Variants in CCSER1 observed in about 807,000 individuals in gnomAD.
CCSER1 encodes coiled-coil serine rich protein 1.
CCSER1 carries 41 observed loss-of-function variants against 82.0 expected under a neutral mutation model. The ratio of observed to expected loss-of-function variants is 0.50; its 90% CI spans 0.39 to 0.65. The LOEUF is 0.65. Among genes scored for constraint, CCSER1 ranks in the 30% least tolerant of loss-of-function variants. CCSER1 has a pLI of 0.00. For missense variants in CCSER1, 1,119 were observed against 1,064.2 expected (o/e 1.05, Z -0.72); for synonymous variants, 414 against 383.9 (o/e 1.08, Z -0.92).
intron 10 of CCSER1, among the ~76,000 whole-genome samples, chr4:91,537,480 T>A (rs2110185386): frequency 6.6e-6 from 1 of 152,172 alleles, no homozygotes; most frequent in Middle Eastern, 3.4e-3. Flanking sequence ...GACAATTTTT[T>A]AAATAGGAAA....
chr4:90,227,883 T>A (rs1219657758), intron 1 of CCSER1, among the ~76,000 whole-genome samples: 1 of 152,104 alleles, frequency 6.6e-6, no homozygotes, highest in South Asian at 2.1e-4. Flanking sequence ...GAAAATCGGG[T>A]CACTTCCACC....
intron 10 of CCSER1, among the ~76,000 whole-genome samples, chr4:91,327,160 C>A (rs777497312): frequency 6.6e-6 from 1 of 152,136 alleles, no homozygotes; most frequent in Non-Finnish European, 1.5e-5. Context: ...GGGCTCGAAC[C>A]CCACATTTCC....
chr4:91,126,079 CTT>C (rs906202536), intron 10 of CCSER1, among the ~76,000 whole-genome samples: 8 of 151,614 alleles, frequency 5.3e-5, no homozygotes, highest in African/African-American at 1.9e-4. Flanking sequence ...TAGTATGAGA[CTT>C]ATGTATATAT....
intron 4 of CCSER1, among the ~76,000 whole-genome samples, chr4:90,401,740 G>A (rs1752905709): frequency 6.6e-6 from 1 of 152,104 alleles, no homozygotes; most frequent in Non-Finnish European, 1.5e-5. Flanking sequence ...TGTTGCCCAG[G>A]CTGGTCTTGA....
At chr4:90,670,392 T>C (rs1560920090) in intron 6 of CCSER1, among the ~76,000 whole-genome samples, 1 of 152,082 alleles carries the variant, frequency 6.6e-6, no homozygotes, top group Non-Finnish European at 1.5e-5. Context: ...AAGGTGGTTT[T>C]CACTGCAGTC....
intron 3 of CCSER1, among the ~76,000 whole-genome samples, chr4:90,379,437 T>C (rs1748863163): frequency 1.3e-5 from 2 of 152,166 alleles, no homozygotes; most frequent in Admixed American, 6.5e-5. Flanking sequence ...AAAATAAATT[T>C]TCCCTCGCGT....
chr4:91,080,076 A>G (rs1722531792), intron 9 of CCSER1, among the ~76,000 whole-genome samples: 1 of 152,306 alleles, frequency 6.6e-6, no homozygotes, highest in African/African-American at 2.4e-5. Flanking sequence ...CCTCATAGAC[A>G]TCTACAGAAC....
chr4:91,479,322 T>C (rs1300930137), intron 10 of CCSER1, among the ~76,000 whole-genome samples: 1 of 151,798 alleles, frequency 6.6e-6, no homozygotes, highest in African/African-American at 2.4e-5. Context: ...TTCTGTACAT[T>C]AAAAATTCCT....
chr4:91,399,055 A>C (rs749653271), intron 10 of CCSER1, among the ~76,000 whole-genome samples: 17 of 151,968 alleles, frequency 1.1e-4, no homozygotes, highest in Non-Finnish European at 2.4e-4. Context: ...GTGTAAAAAA[A>C]ATTAAACCAC....
chr4:91,595,069 A>G (rs1317053006), intron 10 of CCSER1, among the ~76,000 whole-genome samples: 3 of 151,942 alleles, frequency 2.0e-5, no homozygotes, highest in African/African-American at 4.8e-5. Flanking sequence ...AGCAAAACCA[A>G]AAAAACCTAC....
At chr4:90,297,175 G>T (rs1314619420) in intron 1 of CCSER1, among the ~76,000 whole-genome samples, 5 of 150,780 alleles carry the variant, frequency 3.3e-5, no homozygotes, top group Admixed American at 6.6e-5. Flanking sequence ...TCATTGAGAA[G>T]TAGTTTGTAG....
At chr4:90,979,025 ACAAC>A in intron 9 of CCSER1, among the ~76,000 whole-genome samples, 1 of 151,820 alleles carries the variant, frequency 6.6e-6, no homozygotes, top group East Asian at 1.9e-4. Flanking sequence ...GAAAATGCAA[ACAAC>A]TACTTCCAAG....
chr4:90,823,253 C>T (rs1223083793), intron 8 of CCSER1, among the ~76,000 whole-genome samples: 1 of 151,770 alleles, frequency 6.6e-6, no homozygotes, highest in Non-Finnish European at 1.5e-5. Context: ...ACATTTTTCC[C>T]CACACACTTT....
At chr4:91,122,274 T>C (rs1727151186) in intron 10 of CCSER1, among the ~76,000 whole-genome samples, 1 of 151,822 alleles carries the variant, frequency 6.6e-6, no homozygotes, top group African/African-American at 2.4e-5. Flanking sequence ...CTATTAACTT[T>C]GTAGACTCGT....
At chr4:91,440,003 C>T (rs561000810) in intron 10 of CCSER1, among the ~76,000 whole-genome samples, 1 of 151,720 alleles carries the variant, frequency 6.6e-6, no homozygotes, top group East Asian at 1.9e-4. Flanking sequence ...TAGACTCCCA[C>T]GCAATAATAA....
chr4:90,950,727 G>A (rs1487328889), intron 9 of CCSER1, among the ~76,000 whole-genome samples: 2 of 152,020 alleles, frequency 1.3e-5, no homozygotes, highest in African/African-American at 4.8e-5. Flanking sequence ...TGGGTATAGA[G>A]ATAACCACTT....
intron 5 of CCSER1, among the ~76,000 whole-genome samples, chr4:90,493,785 C>T (rs1768493888): frequency 6.6e-6 from 1 of 152,146 alleles, no homozygotes; most frequent in Admixed American, 6.5e-5. Context: ...TGGAAAGGAA[C>T]AACCGGTACC....
intron 10 of CCSER1, among the ~76,000 whole-genome samples, chr4:91,380,457 A>G (rs1427826091): frequency 6.6e-6 from 1 of 152,148 alleles, no homozygotes; most frequent in Non-Finnish European, 1.5e-5. Context: ...TATATTTAGG[A>G]TAGTTAGCTC....
chr4:90,834,056 C>G (rs770609508), intron 8 of CCSER1, among the ~76,000 whole-genome samples: 2 of 152,064 alleles, frequency 1.3e-5, no homozygotes, highest in Non-Finnish European at 2.9e-5. Context: ...TTATGAATTA[C>G]CCAGTCTGCA....
Sources: gnomAD v4.1 joint callset for allele counts (sites outside exome capture counted in the v4.1 genomes callset) on GRCh38, gnomAD v4.1.1 for gene constraint, MANE v1.5 for transcripts, NCBI Gene and HGNC (gene_info 2026-07-23, HGNC 2026-07-21) for gene names.